The following TGM3 variants were observed in gnomAD, a reference collection of about 807,000 sequenced individuals.
The protein encoded by TGM3 is protein-glutamine gamma-glutamyltransferase E.
In TGM3, 52 loss-of-function variants were observed where a neutral mutation model predicts 73.8. That is an observed-to-expected ratio of 0.70 (90% CI 0.56 to 0.89). The LOEUF (loss-of-function observed/expected upper bound fraction) is 0.89. Among genes scored for constraint, TGM3 ranks in the 40% least tolerant of loss-of-function variants. The pLI, the probability that TGM3 is intolerant of heterozygous loss-of-function variation, is 0.00. For synonymous variants in TGM3, 372 were observed against 354.9 expected (o/e 1.05, Z -0.54); for missense variants, 928 against 909.9 (o/e 1.02, Z -0.26).
chr20:2,340,547 T>C lies in TGM3; in HGVS notation c.2048T>C (p.Ile683Thr). 6.2e-7 allele frequency: 1 copy of C among 1,614,124 alleles called. No homozygotes were observed. The highest frequency in any genetic ancestry group is 8.5e-7 in the Non-Finnish European group (1 of 1,180,018). The change falls in exon 13 of 13, where the codon ATC (isoleucine) becomes ACC (threonine). Residue 683 changes from isoleucine to threonine, a missense_variant. Physicochemically the swap from Ile to Thr is moderately conservative, Grantham distance 89. Coordinates refer to ENST00000381458, the MANE Select transcript of TGM3 (RefSeq NM_003245.4). Reference protein sequence around the residue: ...ADFSCNKFPAIKAMLSIDVAE With the variant: ...ADFSCNKFPATKAMLSIDVAE ...TTCTCCTGCAACAAGTTCCCTGCAA[T>C]CAAGGCCATGTTGTCCATCGATGTA...
chr20:2,324,268 A>G (rs2084275738), intron 7 of TGM3, among the ~76,000 whole-genome samples: 1 of 151,840 alleles, frequency 6.6e-6, no homozygotes, highest in African/African-American at 2.4e-5. Flanking sequence ...TCTTTTCATT[A>G]GTTATGAGCA....
rs758724145 is a variant in TGM3, at chr20:2,340,446, A to G, written c.1947A>G (p.Leu649=). 27 of 1,613,838 alleles carry G rather than the reference A, an allele frequency of 1.7e-5. No individual in the cohort carries two copies. In the Admixed American group the frequency reaches 1.8e-4, roughly 11 times the overall value. The part of the protein sequence containing the change: ...LGNLKIDVPT[L]GPKEGSRVRF... Reference sequence around the variant, plus strand: ...CCCTCCCCATCAGCGTGCCGACCCTAGGGCCCAAGGAGGGGTCCCGGGTCC... The same window carrying G: ...CCCTCCCCATCAGCGTGCCGACCCTGGGGCCCAAGGAGGGGTCCCGGGTCC... Residue 649 remains leucine, a synonymous_variant, in exon 13 of 13, where the codon CTA becomes CTG. Transcript: ENST00000381458.
intron 1 of TGM3, among the ~76,000 whole-genome samples, chr20:2,309,239 C>T (rs1190162277): frequency 6.6e-6 from 1 of 152,194 alleles, no homozygotes; most frequent in African/African-American, 2.4e-5. Flanking sequence ...TGAAAGCAGA[C>T]AGAACGTAGG....
At chr20:2,320,912 C>G (rs1296870500) in intron 7 of TGM3, among the ~76,000 whole-genome samples, 1 of 152,182 alleles carries the variant, frequency 6.6e-6, no homozygotes. Context: ...TCTGACTCTA[C>G]CTGTAGACTT....
chr20:2,330,899 G>A (rs564873720), intron 9 of TGM3, among the ~76,000 whole-genome samples: 4 of 151,156 alleles, frequency 2.6e-5, no homozygotes, highest in East Asian at 1.9e-4. Context: ...CCAGCTACTC[G>A]GGAGGCTGAA....
intron 7 of TGM3, 150 bp from the exon 8 acceptor site, chr20:2,325,699 C>T (rs942521964): frequency 3.5e-5 from 22 of 631,708 alleles, no homozygotes; most frequent in Non-Finnish European, 5.2e-5. Context: ...CGAGACGATG[C>T]TCACCAGGGC....
In TGM3 at chr20:2,341,071, G is replaced by A. The variant is rs981223996; in HGVS notation, c.*490G>A. 19 of 401,928 alleles carry A rather than the reference G, an allele frequency of 4.7e-5. No individual in the cohort carries two copies. The highest frequency in any genetic ancestry group is 2.2e-4 in the East Asian group (3 of 13,888). 24.9% of individuals were successfully genotyped at this position (401,928 alleles called of 1,614,324 possible). On this transcript the variant is annotated 3_prime_UTR_variant, in exon 13 of 13. Coordinates refer to ENST00000381458, the MANE Select transcript of TGM3 (RefSeq NM_003245.4). ...CTCAAAATAAATGTTAAATAAGTGC[G>A]ATCACACAGCACCGACTCTACCTGA...
intron 4 of TGM3, among the ~76,000 whole-genome samples, chr20:2,312,361 C>T (rs939497859): frequency 1.5e-5 from 2 of 134,002 alleles, no homozygotes; most frequent in Admixed American, 8.7e-5. Context: ...CATACCACTG[C>T]ACTCCAGCCT....
In TGM3 at chr20:2,332,046, C is replaced by A. The variant is rs1461423026; in HGVS notation, c.1378C>A (p.Leu460Ile). Reference sequence around the variant, plus strand: ...AGTGTTCCAAAAGGCTTTGGGGAAACTTAAACCCAACACGCCATTTGCCGC... The same window carrying A: ...AGTGTTCCAAAAGGCTTTGGGGAAAATTAAACCCAACACGCCATTTGCCGC... ...RQVFQKALGK[L>I]KPNTPFAATS... is the part of the protein sequence containing the mutation. The change falls in exon 10 of 13, where the codon CTT (leucine) becomes ATT (isoleucine). Residue 460 changes from leucine to isoleucine, a missense_variant. Transcript: ENST00000381458. The surrounding 1 kb of genome is among the most constrained non-coding windows in gnomAD (Gnocchi z 4.4). 6.2e-7 allele frequency: 1 copy of A among 1,613,774 alleles called. No homozygotes were observed. The highest frequency in any genetic ancestry group is 1.7e-5 in the Admixed American group (1 of 59,998).
At chr20:2,298,958 C>A (rs1230936040) in intron 1 of TGM3, among the ~76,000 whole-genome samples, 1 of 152,066 alleles carries the variant, frequency 6.6e-6, no homozygotes, top group Non-Finnish European at 1.5e-5. Context: ...ACTCCCTGTT[C>A]CTTAGAGACA....
intron 1 of TGM3, among the ~76,000 whole-genome samples, chr20:2,298,581 T>C (rs555729251): frequency 4.6e-5 from 7 of 152,304 alleles, no homozygotes; most frequent in Admixed American, 3.3e-4. Context: ...GGACTTCCCA[T>C]CTCAAGGCCT....
intron 1 of TGM3, among the ~76,000 whole-genome samples, chr20:2,300,253 A>AAAGG (rs2084137854): frequency 6.8e-6 from 1 of 146,272 alleles, no homozygotes; most frequent in African/African-American, 2.8e-5. Context: ...AGAAAGAAAG[A>AAAGG]AAAGAGAGGA....
Position 2,328,968 on chromosome 20 carries a change from C to T in TGM3, c.1333+603C>T, listed in dbSNP as rs780964693. Among the ~76,000 whole-genome samples the T allele has an allele frequency of 1.9e-4, 29 of 152,202 alleles. No homozygotes were observed. The highest frequency in any genetic ancestry group is 5.8e-4 in the African/African-American group (24 of 41,448). On this transcript the variant is annotated intron_variant, in intron 9 of 12. Transcript: ENST00000381458. The surrounding 1 kb of genome is among the most constrained non-coding windows in gnomAD (Gnocchi z 5.2). ...AAAGCCAGTTGCTGCGAGGCTGCCT[C>T]GACTCAATTATATTCACTGCCCAGA... is the stretch of plus-strand genomic sequence containing the variant.
chr20:2,323,206 AC>A lies in TGM3; in HGVS notation c.984-2638del, dbSNP rs2084270605. ...CCCAATTTGTAGTCTTTTATCCCTC[AC>A]CCCCTTCCCACCTTTTCTCTCTGAG... is the stretch of plus-strand genomic sequence containing the variant. On this transcript the variant is annotated intron_variant, in intron 7 of 12. Transcript: ENST00000381458. Among the ~76,000 whole-genome samples the A allele has an allele frequency of 3.3e-5, 5 of 151,686 alleles. No individual in the cohort carries two copies. In the South Asian group the frequency reaches 1.0e-3, roughly 32 times the overall value.
intron 7 of TGM3, among the ~76,000 whole-genome samples, chr20:2,322,624 A>T (rs991623231): frequency 3.3e-5 from 5 of 152,156 alleles, no homozygotes; most frequent in Admixed American, 3.3e-4. Flanking sequence ...TTCAAATCCC[A>T]CTCTGCTTAA....
chr20:2,331,774 T>C lies in TGM3; in HGVS notation c.1334-228T>C, dbSNP rs145476425. 4.0e-3 allele frequency among the ~76,000 whole-genome samples: 617 copies of C among 152,360 alleles called. 3 individuals carry two copies. The highest frequency in any genetic ancestry group is 6.5e-3 in the Non-Finnish European group (442 of 68,034). On this transcript the variant is annotated intron_variant, in intron 9 of 12. Coordinates refer to ENST00000381458, the MANE Select transcript of TGM3 (RefSeq NM_003245.4). ...TTGTGTGCAGGTGTGATAAAGCTTT[T>C]CTACAGATTTTGGGAAATTTAGAGC... is the stretch of plus-strand genomic sequence containing the variant.
At chr20:2,297,126 A>T (rs145590294) in intron 1 of TGM3, among the ~76,000 whole-genome samples, 1 of 152,274 alleles carries the variant, frequency 6.6e-6, no homozygotes, top group Admixed American at 6.5e-5. Context: ...GGGAGGTCAG[A>T]TGTCATCTAG....
chr20:2,318,386 T>C (rs1352354384), intron 7 of TGM3, among the ~76,000 whole-genome samples: 1 of 152,022 alleles, frequency 6.6e-6, no homozygotes, highest in African/African-American at 2.4e-5. Context: ...ACACTATCAA[T>C]ACACACACAC....
chr20:2,340,027 A>AGGGGGTGGGGGGGGGGGGGGG, intron 12 of TGM3, 40 bp downstream of exon 12: 1 of 133,150 alleles, frequency 7.5e-6, no homozygotes, highest in Non-Finnish European at 1.6e-5. Context: ...GGAGGGCGGG[A>AGGGGGTGGGGGGGGGGGGGGG]GGGGGCGGGG....
Sources: gnomAD v4.1 joint callset for allele counts (sites outside exome capture counted in the v4.1 genomes callset) on GRCh38, gnomAD v4.1.1 for gene constraint, Gnocchi (gnomAD v3.1) non-coding constraint, MANE v1.5 for transcripts, NCBI Gene and HGNC (gene_info 2026-07-23, HGNC 2026-07-21) for gene names.